The following KAZN variants were observed in gnomAD, a reference collection of about 807,000 sequenced individuals.
KAZN encodes the protein kazrin.
Under a neutral mutation model 87.4 loss-of-function variants are expected in KAZN, and 40 were observed. The observed-to-expected ratio is 0.46, with a 90% confidence interval of 0.36 to 0.60. KAZN has a LOEUF of 0.60. KAZN is among the 20% of genes least tolerant of loss of function. The pLI is 0.00. For synonymous variants in KAZN, 466 were observed against 458.3 expected, an observed-to-expected ratio of 1.02 and a Z score of -0.22; for missense variants, 898 against 1,073.9, an observed-to-expected ratio of 0.84 and a Z score of 2.29.
chr1:14,545,007 T>G (rs1673053444), intron 2 of KAZN, among the ~76,000 whole-genome samples: 1 of 152,168 alleles, frequency 6.6e-6, no homozygotes, highest in Non-Finnish European at 1.5e-5. Flanking sequence ...CTCGGGTGTA[T>G]GCAGGAGTGG....
chr1:14,713,797 A>AAAAGAGAAAGAAAG (rs1642625683), intron 1 of KAZN, among the ~76,000 whole-genome samples: 1 of 95,648 alleles, frequency 1.0e-5, no homozygotes, highest in African/African-American at 4.2e-5. Flanking sequence ...AAAAAAAAAA[A>AAAAGAGAAAGAAAG]AAAGAAAGAA....
intron 2 of KAZN, among the ~76,000 whole-genome samples, chr1:14,183,230 T>G (rs1646235314): frequency 6.6e-6 from 1 of 152,094 alleles, no homozygotes; most frequent in Admixed American, 6.5e-5. Context: ...CTCTGAGGAT[T>G]ATAAAACAAT....
intron 2 of KAZN, among the ~76,000 whole-genome samples, chr1:14,461,051 C>T: frequency 6.6e-6 from 1 of 152,162 alleles, no homozygotes; most frequent in East Asian, 1.9e-4. Context: ...TTATCTGTCG[C>T]TATGGTGGCT....
intron 2 of KAZN, among the ~76,000 whole-genome samples, chr1:14,383,740 C>T (rs1661586755): frequency 6.6e-6 from 1 of 152,130 alleles, no homozygotes; most frequent in Non-Finnish European, 1.5e-5. Context: ...AGTTTGAAGT[C>T]AGGTACTGTG....
intron 1 of KAZN, among the ~76,000 whole-genome samples, chr1:14,681,439 AC>A (rs1466004459): frequency 6.6e-6 from 1 of 151,498 alleles, no homozygotes; most frequent in Non-Finnish European, 1.5e-5. Flanking sequence ...AGCCAGCCCA[AC>A]ACTGACATTT....
rs542240235 is a variant in KAZN, at chr1:13,947,622, G to T, written c.91+53866G>T. Among the ~76,000 whole-genome samples the T allele has an allele frequency of 5.3e-5, 8 of 152,302 alleles. No homozygotes were observed. In the South Asian group the frequency reaches 1.7e-3, roughly 32 times the overall value. On this transcript the variant is annotated intron_variant, in intron 1 of 16. Coordinates refer to the KAZN transcript ENST00000636203. ...CTTAGGGCTGTATTAGTCTGCCCTG[G>T]CTGCCGTAACAAATACTTCAGACTG...
At chr1:14,375,714 A>G (rs897194293) in intron 2 of KAZN, among the ~76,000 whole-genome samples, 1 of 152,012 alleles carries the variant, frequency 6.6e-6, no homozygotes, top group Admixed American at 6.6e-5. Context: ...GTGAAACCCC[A>G]TCTCTACTAA....
chr1:14,189,089 A>G (rs1570971888), intron 2 of KAZN, among the ~76,000 whole-genome samples: 1 of 151,720 alleles, frequency 6.6e-6, no homozygotes, highest in African/African-American at 2.4e-5. Context: ...AGCCAGTAAG[A>G]CTCCTTGGTG....
chr1:14,544,350 C>CTTTTTTTTTTTTTTTTTTTTTTTTGT (rs374148415), intron 2 of KAZN, among the ~76,000 whole-genome samples: 1 of 98,120 alleles, frequency 1.0e-5, no homozygotes, highest in African/African-American at 3.9e-5. Context: ...TTCTTTCTTT[C>CTTTTTTTTTTTTTTTTTTTTTTTTGT]TTTTTTTTTT....
chr1:14,086,916 C>T (rs1396813724), intron 1 of KAZN, among the ~76,000 whole-genome samples: 2 of 152,204 alleles, frequency 1.3e-5, no homozygotes, highest in Non-Finnish European at 2.9e-5. Context: ...AAATGCTACA[C>T]AGTCTTGATA....
At chr1:14,907,122 G>T (rs1245067285) in intron 1 of KAZN, among the ~76,000 whole-genome samples, 2 of 151,984 alleles carry the variant, frequency 1.3e-5, no homozygotes, top group Non-Finnish European at 2.9e-5. Flanking sequence ...GAAGCTAGAT[G>T]CAGTGGCTCA....
intron 2 of KAZN, among the ~76,000 whole-genome samples, chr1:14,369,324 T>G (rs1041569821): frequency 6.6e-6 from 1 of 152,180 alleles, no homozygotes; most frequent in Non-Finnish European, 1.5e-5. Flanking sequence ...GTCATTAACT[T>G]TAACACTATC....
At chr1:14,899,500 A>AGGAAT (rs1655621547) in intron 1 of KAZN, among the ~76,000 whole-genome samples, 1 of 152,214 alleles carries the variant, frequency 6.6e-6, no homozygotes, top group African/African-American at 2.4e-5. Context: ...GAGAAAGGGA[A>AGGAAT]GGAATGGTTA....
chr1:14,933,125 C>T (rs1426069982), intron 1 of KAZN, among the ~76,000 whole-genome samples: 2 of 152,162 alleles, frequency 1.3e-5, no homozygotes, highest in African/African-American at 4.8e-5. Context: ...GAGTTTCGCC[C>T]TTGTTGCCCA....
chr1:14,688,868 G>A (rs1209411061), intron 1 of KAZN, among the ~76,000 whole-genome samples: 2 of 152,202 alleles, frequency 1.3e-5, no homozygotes. Context: ...AAAATCATAT[G>A]TAGTTTTTCT....
At chr1:14,272,947 T>C (rs1356702287) in intron 2 of KAZN, among the ~76,000 whole-genome samples, 3 of 152,044 alleles carry the variant, frequency 2.0e-5, no homozygotes, top group African/African-American at 7.2e-5. Context: ...CAAAAGAAGT[T>C]AGAGCTGTGA....
intron 1 of KAZN, among the ~76,000 whole-genome samples, chr1:14,024,377 G>C (rs1317612782): frequency 6.6e-6 from 1 of 152,182 alleles, no homozygotes; most frequent in African/African-American, 2.4e-5. Flanking sequence ...AAAATTATTT[G>C]AAAGATCACA....
intron 1 of KAZN, among the ~76,000 whole-genome samples, chr1:13,924,234 C>T (rs1345591676): frequency 6.6e-6 from 1 of 152,040 alleles, no homozygotes; most frequent in Non-Finnish European, 1.5e-5. Flanking sequence ...AGGCTAAAAA[C>T]TCAAAGGTAT....
chr1:15,068,114 A>AT lies in KAZN; in HGVS notation c.1222+2363dup, dbSNP rs1387200612. Reference sequence around the variant, plus strand: ...GAAGGCATGGATGCAAATATAAAATATTAAAAAAAATCTAAATAAAGCTTA... The same window carrying AT: ...GAAGGCATGGATGCAAATATAAAATATTTAAAAAAAATCTAAATAAAGCTTA... On this transcript the variant is annotated intron_variant, in intron 8 of 14. Transcript: ENST00000376030. The AT allele has an allele frequency of 3.2e-6, 3 of 924,072 alleles. No individual in the cohort carries two copies. In the African/African-American group the frequency reaches 6.0e-5, roughly 19 times the overall value. 57.2% of individuals were successfully genotyped at this position (924,072 alleles called of 1,614,324 possible). A position where few individuals can be genotyped will look rare whatever the true frequency, so the allele number is the denominator to read the frequency against.
Sources: gnomAD v4.1 joint callset for allele counts (sites outside exome capture counted in the v4.1 genomes callset) on GRCh38, gnomAD v4.1.1 for gene constraint, MANE v1.5 for transcripts, NCBI Gene and HGNC (gene_info 2026-07-23, HGNC 2026-07-21) for gene names.